Variants in SEMA6A observed in about 807,000 individuals in gnomAD.
SEMA6A encodes semaphorin 6A.
Under a neutral mutation model 96.8 loss-of-function variants are expected in SEMA6A, and 25 were observed. The observed-to-expected ratio is 0.26, with a 90% CI of 0.19 to 0.36. The LOEUF (loss-of-function observed/expected upper bound fraction) is 0.36, where lower values mean the gene tolerates loss of function less well. SEMA6A is among the 10% of genes least tolerant of loss of function. The pLI, the probability that SEMA6A is intolerant of heterozygous loss-of-function variation, is 1.00. For missense variants in SEMA6A, 1,363 were observed against 1,323.1 expected (o/e 1.03, Z -0.47); for synonymous variants, 612 against 518.0 (o/e 1.18, Z -2.46).
chr5:116,544,231 T>A (rs1210741564), intron 1 of SEMA6A, among the ~76,000 whole-genome samples: 1 of 152,108 alleles, frequency 6.6e-6, no homozygotes, highest in Non-Finnish European at 1.5e-5. Context: ...ACGGCATGGA[T>A]GCAGTTTACA....
rs1249041534 is a variant in SEMA6A at position 116,446,263 on chromosome 5, CATGTGTGT to C, written c.*342_*349del. The C allele has an allele frequency of 1.1e-4, 8 of 70,728 alleles. No homozygotes were observed. The highest frequency in any genetic ancestry group is 7.4e-5 in the Non-Finnish European group (3 of 40,764). The allele number at this position is 70,728 out of a possible 1,614,324, so 4.4% of individuals were successfully genotyped here. A position where few individuals can be genotyped will look rare whatever the true frequency, so the allele number is the denominator to read the frequency against. On this transcript the variant is annotated 3_prime_UTR_variant, in exon 19 of 19. Transcript: ENST00000343348. ...TGCGTGTGTGTGTATGTGTTGTGTG[CATGTGTGT>C]GTGTGTGTGTGTGTGGGGGTGGGGG...
rs181119279 is a variant in SEMA6A, at chr5:116,574,347, G to A, written c.-201C>T. The A allele has an allele frequency of 1.3e-5, 2 of 152,434 alleles. No individual in the cohort carries two copies. Among genetic ancestry groups the A allele is most frequent in the Admixed American group, 1.3e-4 (2 of 15,280 alleles). 9.4% of individuals were successfully genotyped at this position (152,434 alleles called of 1,614,324 possible). A position where few individuals can be genotyped will look rare whatever the true frequency, so the allele number is the denominator to read the frequency against. ...CCTACATGTGTGCTTGTCTCTTTGG[G>A]GGAAATAGTCGCGGCGACTACTTTC... is the stretch of plus-strand genomic sequence containing the variant. On this transcript the variant is annotated 5_prime_UTR_variant, in exon 1 of 19. Coordinates refer to ENST00000343348, the MANE Select transcript of SEMA6A (RefSeq NM_020796.5).
intron 1 of SEMA6A, among the ~76,000 whole-genome samples, chr5:116,511,264 A>T (rs1267939176): frequency 1.3e-5 from 2 of 152,224 alleles, no homozygotes; most frequent in East Asian, 3.9e-4. Context: ...TCATTGTTTC[A>T]CTGTATTGCT....
At chr5:116,468,390 A>T (rs1334728167) in intron 17 of SEMA6A, 1 of 152,162 alleles carries the variant, frequency 6.6e-6, no homozygotes, top group African/African-American at 2.4e-5. Context: ...CTGTCTTTTC[A>T]TTGGAATGGA....
Position 116,491,815 on chromosome 5 carries a change from G to C in SEMA6A, c.460C>G (p.Pro154Ala), listed in dbSNP as rs768631463. 7.4e-6 allele frequency: 12 copies of C among 1,612,594 alleles called. No individual in the cohort carries two copies. Among genetic ancestry groups the C allele is most frequent in the Admixed American group, 1.7e-5 (1 of 60,012 alleles). ...CRNYKMDTLEPFGDEFSGMAR... is the reference protein window; with the variant it reads ...CRNYKMDTLEAFGDEFSGMAR... Reference sequence around the variant, plus strand: ...ATTCCGCTGAATTCATCCCCGAATGGTTCCAATGTATCCATCTAAATGAAA... The same window carrying C: ...ATTCCGCTGAATTCATCCCCGAATGCTTCCAATGTATCCATCTAAATGAAA... The change falls in exon 7 of 19, where the codon CCA becomes GCA. Residue 154 changes from proline to alanine, a missense_variant. Coordinates refer to ENST00000343348, the MANE Select transcript of SEMA6A (RefSeq NM_020796.5).
intron 1 of SEMA6A, among the ~76,000 whole-genome samples, chr5:116,534,131 C>T (rs1759611124): frequency 6.6e-6 from 1 of 152,204 alleles, no homozygotes; most frequent in African/African-American, 2.4e-5. Flanking sequence ...TCTTTTTCTT[C>T]CTTCTGTAAC....
intron 1 of SEMA6A, among the ~76,000 whole-genome samples, chr5:116,529,666 AAAAAAGAAAG>A (rs1477269263): frequency 6.6e-6 from 1 of 152,178 alleles, no homozygotes; most frequent in Non-Finnish European, 1.5e-5. Context: ...ACACTGTTTC[AAAAAAGAAAG>A]AGAAAGAAAG....
At chr5:116,494,630 G>A (rs1288729422) in intron 6 of SEMA6A, among the ~76,000 whole-genome samples, 1 of 152,190 alleles carries the variant, frequency 6.6e-6, no homozygotes, top group African/African-American at 2.4e-5. Context: ...CCATGAAATT[G>A]TTGTTTTCTT....
intron 18 of SEMA6A, among the ~76,000 whole-genome samples, chr5:116,460,012 C>A (rs934231731): frequency 6.6e-6 from 1 of 151,812 alleles, no homozygotes; most frequent in African/African-American, 2.4e-5. Flanking sequence ...TTTTTTAGTG[C>A]TTTCGGAATT....
intron 1 of SEMA6A, among the ~76,000 whole-genome samples, chr5:116,532,147 G>A (rs1178556310): frequency 2.6e-5 from 4 of 152,132 alleles, no homozygotes; most frequent in Non-Finnish European, 5.9e-5. Flanking sequence ...TTTCTTTGTG[G>A]CACCGAGGAA....
chr5:116,549,407 A>G (rs1451169427), intron 1 of SEMA6A, among the ~76,000 whole-genome samples: 1 of 152,172 alleles, frequency 6.6e-6, no homozygotes, highest in Admixed American at 6.5e-5. Context: ...AGACTACCAT[A>G]AAGCCCTCAT....
chr5:116,495,308 C>G, intron 6 of SEMA6A, 105 bp downstream of exon 6: 1 of 778,116 alleles, frequency 1.3e-6, no homozygotes, highest in Non-Finnish European at 2.2e-6. Context: ...GTGAGAGGAA[C>G]TCAGGTGGTG....
chr5:116,527,772 A>G (rs1275008991), intron 1 of SEMA6A, among the ~76,000 whole-genome samples: 1 of 152,180 alleles, frequency 6.6e-6, no homozygotes, highest in Non-Finnish European at 1.5e-5. Flanking sequence ...GTTAGTAACG[A>G]CTTTCAGTTA....
At chr5:116,450,818 C>T (rs941473833) in intron 18 of SEMA6A, among the ~76,000 whole-genome samples, 1 of 152,024 alleles carries the variant, frequency 6.6e-6, no homozygotes, top group Non-Finnish European at 1.5e-5. Flanking sequence ...TCAGAAACGT[C>T]CAAAGATGGA....
chr5:116,506,005 A>T (rs1323475647), intron 1 of SEMA6A, among the ~76,000 whole-genome samples: 1 of 152,238 alleles, frequency 6.6e-6, no homozygotes, highest in African/African-American at 2.4e-5. Context: ...CAGAGCAGTA[A>T]ACTCTTTGAA....
chr5:116,459,252 T>C (rs40103), intron 18 of SEMA6A, among the ~76,000 whole-genome samples: 65,126 of 152,050 alleles, frequency 0.43, 14,987 homozygotes, highest in Non-Finnish European at 0.52. Context: ...ACAGACACTT[T>C]AGATCCAAAA....
intron 1 of SEMA6A, among the ~76,000 whole-genome samples, chr5:116,532,151 C>T (rs1021296592): frequency 2.0e-5 from 3 of 152,108 alleles, no homozygotes; most frequent in African/African-American, 7.2e-5. Context: ...TTTGTGGCAC[C>T]GAGGAACAAG....
chr5:116,533,272 T>TC (rs1309725385), intron 1 of SEMA6A, among the ~76,000 whole-genome samples: 2 of 148,304 alleles, frequency 1.3e-5, no homozygotes, highest in South Asian at 2.1e-4. Flanking sequence ...TTTTTTTTTT[T>TC]CCACTAGTCG....
intron 1 of SEMA6A, among the ~76,000 whole-genome samples, chr5:116,559,222 G>T (rs1760715553): frequency 6.6e-6 from 1 of 152,166 alleles, no homozygotes; most frequent in Admixed American, 6.5e-5. Context: ...TTTGTGAAGA[G>T]CTGAGGGTGA....
Sources: allele counts gnomAD v4.1 joint callset (sites outside exome capture counted in the v4.1 genomes callset), GRCh38; gene constraint gnomAD v4.1.1; transcripts MANE v1.5; gene names NCBI Gene and HGNC (gene_info 2026-07-23, HGNC 2026-07-21).